Variants in WWOX observed in about 807,000 individuals in gnomAD.
The protein encoded by WWOX is WW domain containing oxidoreductase.
A neutral mutation model predicts 46.2 loss-of-function variants in WWOX; 69 were observed. The ratio of observed to expected loss-of-function variants is 1.49; its 90% CI spans 1.23 to 1.82. The LOEUF (loss-of-function observed/expected upper bound fraction) is 1.82, where lower values mean the gene tolerates loss of function less well. Among genes scored for constraint, WWOX ranks in the 40% most tolerant of loss-of-function variants. WWOX has a pLI of 0.00. For synonymous variants in WWOX, 359 were observed against 202.6 expected (o/e 1.77, Z -6.56); for missense variants, 919 against 542.6 (o/e 1.69, Z -6.89).
At position 78,506,728 on chromosome 16, in the gene WWOX, T is replaced by TTTTTTTTTTTTTTTTTTTG. The variant is rs1330915138; in HGVS notation, c.1056+73976_1056+73977insTTTTTTTTTTTTTTTTTTG. Among the ~76,000 whole-genome samples, 5 of 93,588 alleles carry TTTTTTTTTTTTTTTTTTTG rather than the reference T, an allele frequency of 5.3e-5. 1 individual carries two copies. The highest frequency in any genetic ancestry group is 1.1e-4 in the Non-Finnish European group (5 of 44,404). 61.4% of individuals were successfully genotyped at this position (93,588 alleles called of 152,430 possible). On this transcript the variant is annotated intron_variant, in intron 8 of 8. Transcript: ENST00000566780. Reference sequence around the variant, plus strand: ...TTTTTTTTTTTTTTTTTTTTTTTTTTGTACAGAGTCTTGCTCTGTTGTCCA... The same window carrying TTTTTTTTTTTTTTTTTTTG: ...TTTTTTTTTTTTTTTTTTTTTTTTTTTTTTTTTTTTTTTTTTTTGGTACAGAGTCTTGCTCTGTTGTCCA...
chr16:78,528,165 A>ATTTTTTTTTTTTTTTTTTTTTTTTTTTT (rs56803717), intron 8 of WWOX, among the ~76,000 whole-genome samples: 1 of 58,400 alleles, frequency 1.7e-5, no homozygotes, highest in African/African-American at 8.4e-5. Flanking sequence ...CACCTGGCTA[A>ATTTTTTTTTTTTTTTTTTTTTTTTTTTT]TTTTTTTTTT....
intron 8 of WWOX, among the ~76,000 whole-genome samples, chr16:78,876,097 C>T (rs571054380): frequency 6.6e-6 from 1 of 152,274 alleles, no homozygotes; most frequent in South Asian, 2.1e-4. Flanking sequence ...CTGAGGAACT[C>T]TAGATATTTC....
intron 8 of WWOX, among the ~76,000 whole-genome samples, chr16:78,780,909 G>A (rs147168615): frequency 6.6e-4 from 101 of 152,272 alleles, no homozygotes; most frequent in African/African-American, 2.3e-3. Context: ...GCTGCCTTGG[G>A]GAGCATGGGT....
At chr16:78,568,767 G>A (rs949549714) in intron 8 of WWOX, among the ~76,000 whole-genome samples, 4 of 152,138 alleles carry the variant, frequency 2.6e-5, no homozygotes, top group Admixed American at 6.6e-5. Context: ...GAGCCACAGC[G>A]TCCAGCCCCA....
chr16:79,182,859 C>T (rs2050939587), intron 8 of WWOX, among the ~76,000 whole-genome samples: 1 of 152,142 alleles, frequency 6.6e-6, no homozygotes, highest in South Asian at 2.1e-4. Context: ...TTTCTGTTTT[C>T]CGTAATTCCA....
At chr16:78,524,422 T>C (rs892535714) in intron 8 of WWOX, among the ~76,000 whole-genome samples, 2 of 151,568 alleles carry the variant, frequency 1.3e-5, no homozygotes, top group African/African-American at 4.9e-5. Flanking sequence ...ATTTATTTAT[T>C]TATTTATTTG....
chr16:78,423,031 G>A (rs1052083127), intron 6 of WWOX, among the ~76,000 whole-genome samples: 5 of 151,644 alleles, frequency 3.3e-5, no homozygotes, highest in South Asian at 4.2e-4. Flanking sequence ...GATTACAGGC[G>A]TGTGCCACCA....
intron 8 of WWOX, among the ~76,000 whole-genome samples, chr16:78,652,408 CAAAAAAAAAAAAAA>C (rs747993811): frequency 3.7e-5 from 4 of 107,500 alleles, no homozygotes; most frequent in African/African-American, 1.9e-4. Flanking sequence ...GACTCCGTCT[CAAAAAAAAAAAAAA>C]AAAAAAAAAG....
intron 6 of WWOX, among the ~76,000 whole-genome samples, chr16:78,422,366 G>A (rs114974235): frequency 6.7e-5 from 10 of 149,170 alleles, no homozygotes; most frequent in Admixed American, 6.7e-4. Flanking sequence ...TCTTTTTTTT[G>A]ATTTGGAAAC....
chr16:78,379,361 A>C (rs971627716), intron 5 of WWOX, among the ~76,000 whole-genome samples: 1 of 152,170 alleles, frequency 6.6e-6, no homozygotes, highest in Admixed American at 6.5e-5. Context: ...GCAGTTGCAC[A>C]TGAGTAGTCC....
At chr16:78,125,645 T>C (rs1473335785) in intron 4 of WWOX, among the ~76,000 whole-genome samples, 1 of 152,130 alleles carries the variant, frequency 6.6e-6, no homozygotes. Flanking sequence ...GAGGATTGCT[T>C]GAGCTCAGGG....
rs113851380 is a variant in WWOX at position 78,810,445 on chromosome 16, T to G, written c.1056+377693T>G. ...TTCATATAAGCTATCAAATATTACA[T>G]GTCAACTCAGAAAACATCCCTAGGA... is the stretch of plus-strand genomic sequence containing the variant. On this transcript the variant is annotated intron_variant, in intron 8 of 8. Coordinates refer to ENST00000566780, the MANE Select transcript of WWOX (RefSeq NM_016373.4). Among the ~76,000 whole-genome samples, 1,122 of 152,330 alleles carry G rather than the reference T, an allele frequency of 7.4e-3. 18 individuals are homozygous for G. Among genetic ancestry groups the G allele is most frequent in the African/African-American group, 0.026 (1,077 of 41,580 alleles).
chr16:79,209,432 T>G (rs1254185372), intron 8 of WWOX, among the ~76,000 whole-genome samples: 1 of 152,252 alleles, frequency 6.6e-6, no homozygotes, highest in Non-Finnish European at 1.5e-5. Context: ...TGCTTTGGTC[T>G]TTCCTCACGC....
At chr16:78,692,601 G>A (rs1344290872) in intron 8 of WWOX, among the ~76,000 whole-genome samples, 2 of 152,158 alleles carry the variant, frequency 1.3e-5, no homozygotes, top group African/African-American at 2.4e-5. Context: ...CCATATGCCT[G>A]AATCTCTCAC....
At chr16:79,177,508 C>T (rs990310232) in intron 8 of WWOX, among the ~76,000 whole-genome samples, 2 of 152,272 alleles carry the variant, frequency 1.3e-5, no homozygotes, top group Non-Finnish European at 1.5e-5. Flanking sequence ...ACAGATCCCT[C>T]AAATCCCTCT....
At chr16:78,943,812 G>A (rs10083783) in intron 8 of WWOX, among the ~76,000 whole-genome samples, 8,880 of 152,136 alleles carry the variant, frequency 0.058, 773 homozygotes, top group East Asian at 0.18. Flanking sequence ...GCACATCACT[G>A]TTTGGTGGAC....
intron 8 of WWOX, chr16:78,506,396 G>C (rs572075501): frequency 6.6e-6 from 1 of 152,386 alleles, no homozygotes; most frequent in African/African-American, 2.4e-5. Context: ...ACCCAAGACA[G>C]AGAAGAAAAA....
At chr16:78,101,333 T>C (rs1217838719) in intron 1 of WWOX, among the ~76,000 whole-genome samples, 4 of 142,972 alleles carry the variant, frequency 2.8e-5, no homozygotes, top group South Asian at 2.2e-4. Flanking sequence ...AGGCGTGAGC[T>C]ACCGCTCCCG....
intron 1 of WWOX, among the ~76,000 whole-genome samples, chr16:78,101,654 C>T (rs971009868): frequency 6.6e-6 from 1 of 152,160 alleles, no homozygotes; most frequent in Non-Finnish European, 1.5e-5. Flanking sequence ...GGCCCCTCCC[C>T]TCTCCCTTGG....
Sources: allele counts gnomAD v4.1 joint callset (sites outside exome capture counted in the v4.1 genomes callset), GRCh38; gene constraint gnomAD v4.1.1; transcripts MANE v1.5; gene names NCBI Gene and HGNC (gene_info 2026-07-23, HGNC 2026-07-21).